Variants in KIFAP3 observed in about 807,000 individuals in gnomAD.
KIFAP3 encodes kinesin-associated protein 3.
In KIFAP3, 68 loss-of-function variants were observed where a neutral mutation model predicts 106.5. The observed-to-expected ratio is 0.64, with a 90% CI of 0.53 to 0.78. KIFAP3 has a LOEUF of 0.78. KIFAP3 is among the 30% of genes least tolerant of loss of function. The pLI, the probability that KIFAP3 is intolerant of heterozygous loss-of-function variation, is 0.00. For missense variants in KIFAP3, 780 were observed against 941.8 expected (o/e 0.83, Z 2.25); for synonymous variants, 320 against 311.5 (o/e 1.03, Z -0.29).
chr1:170,042,704 T>C (rs1227480935), intron 3 of KIFAP3, among the ~76,000 whole-genome samples: 1 of 152,242 alleles, frequency 6.6e-6, no homozygotes, highest in African/African-American at 2.4e-5. Flanking sequence ...AATTCCTTTA[T>C]ACTATATACT....
chr1:170,017,767 T>G (rs946266666), intron 9 of KIFAP3, among the ~76,000 whole-genome samples: 2 of 152,208 alleles, frequency 1.3e-5, no homozygotes, highest in African/African-American at 4.8e-5. Flanking sequence ...CACCAACTTG[T>G]AAAAGGCCTA....
intron 10 of KIFAP3, among the ~76,000 whole-genome samples, chr1:170,004,065 A>AACAT (rs1557829254): frequency 6.6e-6 from 1 of 152,156 alleles, no homozygotes; most frequent in African/African-American, 2.4e-5. Flanking sequence ...ATACACCAAT[A>AACAT]ACAGACAGAG....
intron 19 of KIFAP3, among the ~76,000 whole-genome samples, chr1:169,952,871 A>G (rs1664800161): frequency 6.6e-6 from 1 of 152,188 alleles, no homozygotes. Context: ...AATTAAAATA[A>G]CGCTACAAGT....
intron 10 of KIFAP3, among the ~76,000 whole-genome samples, chr1:170,010,087 A>T (rs1201145508): frequency 9.2e-5 from 14 of 152,116 alleles, no homozygotes; most frequent in Admixed American, 9.2e-4. Flanking sequence ...ATAGAACTGA[A>T]ATGATTTATA....
Position 170,055,339 on chromosome 1 carries a change from G to T in KIFAP3, c.130C>A (p.Pro44Thr). The T allele has an allele frequency of 6.2e-7, 1 of 1,607,378 alleles. No homozygotes were observed. The highest frequency in any genetic ancestry group is 8.5e-7 in the Non-Finnish European group (1 of 1,178,022). Residue 44 changes from proline to threonine, a missense_variant, in exon 2 of 20, where the codon CCC becomes ACC. Around this residue, in one of 3 missense-constraint regions of KIFAP3, gnomAD observed 588 missense variants for 678.9 expected, o/e 0.87. Transcript: ENST00000361580. ...CATTCTTTTCGTTCTCCCAACATGG[G>T]GTCCCCCATTTCTCCAAGAATGGTA... The part of the protein sequence containing the change: ...EATILGEMGD[P>T]MLGERKECQK...
intron 8 of KIFAP3, among the ~76,000 whole-genome samples, chr1:170,028,168 C>A (rs1669213773): frequency 6.6e-6 from 1 of 151,020 alleles, no homozygotes; most frequent in African/African-American, 2.4e-5. Context: ...ATTGCTCAGG[C>A]AAAAAGAAAA....
At chr1:170,061,013 A>G (rs1181147940) in intron 1 of KIFAP3, among the ~76,000 whole-genome samples, 3 of 152,234 alleles carry the variant, frequency 2.0e-5, no homozygotes, top group African/African-American at 2.4e-5. Flanking sequence ...AAATTAATTC[A>G]AGGTGGATTA....
Position 170,034,353 on chromosome 1 carries a change from T to C in KIFAP3, c.742+19A>G, listed in dbSNP as rs750683455. 6.3e-7 allele frequency: 1 copy of C among 1,597,286 alleles called. No individual in the cohort carries two copies. Among genetic ancestry groups the C allele is most frequent in the Non-Finnish European group, 8.5e-7 (1 of 1,173,522 alleles). On this transcript the variant is annotated intron_variant, in intron 7 of 19. Coordinates refer to ENST00000361580, the MANE Select transcript of KIFAP3 (RefSeq NM_014970.4). Reference sequence around the variant, plus strand: ...AGCAAAAGACAACAGACGGTTCAAATGCCACTCTAAAAGGATATCAGCTTT... The same window carrying C: ...AGCAAAAGACAACAGACGGTTCAAACGCCACTCTAAAAGGATATCAGCTTT...
chr1:170,038,519 CT>C (rs926291149), intron 4 of KIFAP3, 88 bp from the exon 5 acceptor site: 33 of 1,316,872 alleles, frequency 2.5e-5, no homozygotes, highest in Non-Finnish European at 3.3e-5. Context: ...ATATACTGGC[CT>C]TTATAACAAC....
chr1:169,957,143 C>G (rs1665057934), intron 18 of KIFAP3, among the ~76,000 whole-genome samples: 1 of 152,132 alleles, frequency 6.6e-6, no homozygotes, highest in Admixed American at 6.5e-5. Context: ...AAAAAAGAAT[C>G]ATAGCTTCTT....
chr1:169,935,648 CA>C (rs891123189), intron 19 of KIFAP3, among the ~76,000 whole-genome samples: 2 of 151,910 alleles, frequency 1.3e-5, no homozygotes, highest in African/African-American at 4.8e-5. Context: ...TTAGCTTATT[CA>C]AAGGGTGCAA....
chr1:169,987,675 G>C (rs751870875), intron 11 of KIFAP3, among the ~76,000 whole-genome samples: 8 of 151,990 alleles, frequency 5.3e-5, no homozygotes, highest in Non-Finnish European at 1.0e-4. Flanking sequence ...GATCAAAGGG[G>C]GCCATATAGG....
intron 12 of KIFAP3, among the ~76,000 whole-genome samples, chr1:169,983,696 A>G (rs964145440): frequency 2.0e-5 from 3 of 151,880 alleles, no homozygotes; most frequent in South Asian, 2.1e-4. Context: ...ATAGAATCAT[A>G]CCATATGTGC....
chr1:169,960,409 G>C (rs1334495133), intron 18 of KIFAP3, among the ~76,000 whole-genome samples: 1 of 152,036 alleles, frequency 6.6e-6, no homozygotes, highest in East Asian at 1.9e-4. Flanking sequence ...AAAACAGTGA[G>C]AGCTGGAATA....
chr1:169,983,397 TC>T lies in KIFAP3; in HGVS notation c.1394-16del. ...CAGCCCATTTCCTGAAACAGAAAAGTCCCCCAATAAAATTAAGGTTAGCTTA... is the reference window on the plus strand; with the variant it reads ...CAGCCCATTTCCTGAAACAGAAAAGTCCCCAATAAAATTAAGGTTAGCTTA... On this transcript the variant is annotated splice_polypyrimidine_tract_variant and intron_variant, in intron 12 of 19. Coordinates refer to ENST00000361580, the MANE Select transcript of KIFAP3 (RefSeq NM_014970.4). 1 of 1,542,988 alleles carries T rather than the reference TC, an allele frequency of 6.5e-7. No individual in the cohort carries two copies. The highest frequency in any genetic ancestry group is 1.4e-5 in the African/African-American group (1 of 73,012).
At chr1:170,004,200 T>C (rs936219769) in intron 10 of KIFAP3, among the ~76,000 whole-genome samples, 7 of 150,616 alleles carry the variant, frequency 4.6e-5, no homozygotes, top group African/African-American at 1.2e-4. Flanking sequence ...CTCAGTGAAA[T>C]AAAAGAGGAT....
chr1:169,969,433 T>C (rs567477122), intron 17 of KIFAP3, among the ~76,000 whole-genome samples: 53 of 152,200 alleles, frequency 3.5e-4, no homozygotes, highest in African/African-American at 1.3e-3. Flanking sequence ...AAAGCTATAT[T>C]GGTTTCTTTC....
intron 3 of KIFAP3, among the ~76,000 whole-genome samples, 163 bp from the exon 4 acceptor site, chr1:170,039,451 TC>T (rs1669866055): frequency 6.6e-6 from 1 of 152,194 alleles, no homozygotes; most frequent in Non-Finnish European, 1.5e-5. Flanking sequence ...TCATATATAA[TC>T]CACTTGATCT....
At position 170,017,963 on chromosome 1, in the gene KIFAP3, C is replaced by T. The variant is rs574010916; in HGVS notation, c.1021-1339G>A. Reference sequence around the variant, plus strand: ...AATCATATACAACTCAGGAGAGAAGCTAGACTAAAAGCAATAGTTGAAACT... The same window carrying T: ...AATCATATACAACTCAGGAGAGAAGTTAGACTAAAAGCAATAGTTGAAACT... On this transcript the variant is annotated intron_variant, in intron 9 of 19. Coordinates refer to ENST00000361580, the MANE Select transcript of KIFAP3 (RefSeq NM_014970.4). 2.6e-5 allele frequency among the ~76,000 whole-genome samples: 4 copies of T among 152,308 alleles called. No individual in the cohort carries two copies. The East Asian group carries it at 5.8e-4, about 22-fold the overall frequency.
Sources: gnomAD v4.1 joint callset for allele counts (sites outside exome capture counted in the v4.1 genomes callset) on GRCh38, gnomAD v4.1.1 for gene constraint, gnomAD v4.1.1 regional missense constraint, MANE v1.5 for transcripts, NCBI Gene and HGNC (gene_info 2026-07-23, HGNC 2026-07-21) for gene names.